SERPINB8: variants seen among roughly 807,000 people sequenced by gnomAD.
SERPINB8 encodes the protein serpin B8.
Under a neutral mutation model 35.3 loss-of-function variants are expected in SERPINB8, and 25 were observed. The observed-to-expected ratio is 0.71, with a 90% confidence interval of 0.52 to 0.99. The LOEUF is 0.99. Among genes scored for constraint, SERPINB8 ranks in the 50% least tolerant of loss-of-function variants. The pLI is 0.00. For missense variants in SERPINB8, 484 were observed against 446.5 expected (o/e 1.08, Z -0.76); for synonymous variants, 186 against 160.8 (o/e 1.16, Z -1.19).
chr18:63,993,595 T>C (rs1323087973), downstream of SERPINB8, among the ~76,000 whole-genome samples: 3 of 152,220 alleles, frequency 2.0e-5, no homozygotes, highest in African/African-American at 4.8e-5. Flanking sequence ...TCAGGTCTTC[T>C]ATATAATTAC....
downstream of SERPINB8, among the ~76,000 whole-genome samples, chr18:64,006,366 G>A (rs1229050469): frequency 6.6e-6 from 1 of 152,172 alleles, no homozygotes; most frequent in Non-Finnish European, 1.5e-5. Context: ...TTCAGAGATG[G>A]GGCCTTTGGG....
Position 63,988,909 on chromosome 18 carries a change from C to T in SERPINB8, c.*1631C>T, listed in dbSNP as rs1343972516. The T allele has an allele frequency of 6.6e-6, 1 of 152,174 alleles. No individual in the cohort carries two copies. Among genetic ancestry groups the T allele is most frequent in the Non-Finnish European group, 1.5e-5 (1 of 68,036 alleles). The allele number at this position is 152,174 out of a possible 1,614,324, so 9.4% of individuals were successfully genotyped here. A position where few individuals can be genotyped will look rare whatever the true frequency, so the allele number is the denominator to read the frequency against. On this transcript the variant is annotated 3_prime_UTR_variant, in exon 7 of 7. Transcript: ENST00000397985. ...CACAGAATACATTTCACATATTTAA[C>T]CTCTACAATAAGTTCTGACACATTT...
chr18:64,003,596 C>CCT (rs2050886508), intron 1 of SERPINB8, among the ~76,000 whole-genome samples: 1 of 150,920 alleles, frequency 6.6e-6, no homozygotes, highest in Non-Finnish European at 1.5e-5. Context: ...ATTACGGAAA[C>CCT]TGAGAAGTGC....
intron 5 of SERPINB8, 63 bp downstream of exon 5, chr18:63,983,784 C>G: frequency 8.8e-7 from 1 of 1,133,806 alleles, no homozygotes; most frequent in African/African-American, 1.5e-5. Context: ...GAAATATTCT[C>G]TTGGAAAAAT....
intron 7 of SERPINB8, among the ~76,000 whole-genome samples, chr18:64,013,431 A>G (rs1372846018): frequency 6.6e-6 from 1 of 152,102 alleles, no homozygotes; most frequent in Non-Finnish European, 1.5e-5. Context: ...TTTCTTTGGT[A>G]TGTTTCCTTT....
intron 1 of SERPINB8, among the ~76,000 whole-genome samples, chr18:63,999,971 A>AACAAC (rs2050866754): frequency 6.6e-6 from 1 of 152,108 alleles, no homozygotes; most frequent in Non-Finnish European, 1.5e-5. Context: ...TGAGGTCATT[A>AACAAC]ACAACACTAC....
chr18:63,997,531 T>C (rs1288950324), intron 1 of SERPINB8, among the ~76,000 whole-genome samples: 1 of 152,204 alleles, frequency 6.6e-6, no homozygotes, highest in Non-Finnish European at 1.5e-5. Flanking sequence ...ACGGTGTCTC[T>C]TGATTAACAT....
intron 7 of SERPINB8, among the ~76,000 whole-genome samples, chr18:64,018,381 A>G (rs563618849): frequency 6.6e-6 from 1 of 152,334 alleles, no homozygotes; most frequent in African/African-American, 2.4e-5. Context: ...AGTGTTTTCA[A>G]GAGCAAATCA....
intron 1 of SERPINB8, among the ~76,000 whole-genome samples, chr18:63,976,571 A>G (rs377243896): frequency 2.6e-5 from 4 of 152,318 alleles, no homozygotes; most frequent in Admixed American, 2.6e-4. Context: ...TACATCTCAA[A>G]GGGGCTGATA....
intron 4 of SERPINB8, among the ~76,000 whole-genome samples, chr18:63,982,456 T>A (rs1241214486): frequency 2.6e-5 from 4 of 152,148 alleles, no homozygotes; most frequent in African/African-American, 9.7e-5. Context: ...TAAAGCATCC[T>A]AAATACCTAA....
At position 64,016,397 on chromosome 18, in the gene SERPINB8, A is replaced by G. The variant is rs577414092; in HGVS notation, c.*3-2513A>G. On this transcript the variant is annotated intron_variant, in intron 7 of 7. Coordinates refer to the SERPINB8 transcript ENST00000636430. ...GACCTACCTATGATATAATTCTTCA[A>G]TGCAGGGTAGATTGCAGTAAGGTTT... 2.6e-4 allele frequency among the ~76,000 whole-genome samples: 40 copies of G among 152,292 alleles called. No individual in the cohort carries two copies. In the Middle Eastern group the frequency reaches 0.014, roughly 52 times the overall value.
chr18:63,990,342 C>G (rs1260575367), downstream of SERPINB8, among the ~76,000 whole-genome samples: 1 of 152,090 alleles, frequency 6.6e-6, no homozygotes, highest in African/African-American at 2.4e-5. Flanking sequence ...TCCCAAAATT[C>G]TGGGATTACA....
intron 7 of SERPINB8, among the ~76,000 whole-genome samples, chr18:64,017,923 A>G (rs2050958123): frequency 6.6e-6 from 1 of 152,236 alleles, no homozygotes; most frequent in Admixed American, 6.5e-5. Context: ...TAGTTATAAT[A>G]ATAATTTTAA....
rs774390152 is a variant in SERPINB8 at position 63,983,619 on chromosome 18, C to T, written c.465C>T (p.Pro155=). ...SEVLDAGTVD[P]LTKLVLVNAI... is the part of the protein sequence containing the mutation. Reference sequence around the variant, plus strand: ...TACTGGATGCTGGGACAGTCGATCCCCTGACAAAGCTGGTCCTTGTGAATG... The same window carrying T: ...TACTGGATGCTGGGACAGTCGATCCTCTGACAAAGCTGGTCCTTGTGAATG... Residue 155 remains proline (P), a synonymous_variant, in exon 5 of 7, where the codon CCC becomes CCT. Coordinates refer to ENST00000397985, the MANE Select transcript of SERPINB8 (RefSeq NM_002640.4). 4.3e-6 allele frequency: 7 copies of T among 1,613,692 alleles called. No homozygotes were observed. The highest frequency in any genetic ancestry group is 4.0e-5 in the African/African-American group (3 of 74,866).
At chr18:63,971,295 A>C (rs2050475728) in intron 1 of SERPINB8, among the ~76,000 whole-genome samples, 1 of 152,106 alleles carries the variant, frequency 6.6e-6, no homozygotes. Context: ...ATCCATTCTC[A>C]TGGAACCTCT....
At chr18:64,012,945 C>G (rs1216475586) in intron 7 of SERPINB8, among the ~76,000 whole-genome samples, 2 of 152,176 alleles carry the variant, frequency 1.3e-5, no homozygotes, top group African/African-American at 4.8e-5. Context: ...CCCCTTCTAG[C>G]TACTTCCACT....
chr18:63,981,156 C>T (rs1262562306), intron 3 of SERPINB8, among the ~76,000 whole-genome samples: 5 of 152,236 alleles, frequency 3.3e-5, no homozygotes, highest in Non-Finnish European at 5.9e-5. Context: ...CAGTTGCACA[C>T]ACACCCTATG....
Position 63,970,130 on chromosome 18 carries a change from A to AGCAGCG in SERPINB8, c.-49_-48insAGCGGC. On this transcript the variant is annotated 5_prime_UTR_variant, in exon 1 of 7. Coordinates refer to ENST00000397985, the MANE Select transcript of SERPINB8 (RefSeq NM_002640.4). ...ACAAAGGAGGAATAGTCAAAGCAGC[A>AGCAGCG]GCGGCGGCGGCGGCGGCGGCAGCAG... The AGCAGCG allele has an allele frequency of 1.3e-4, 45 of 343,784 alleles. No homozygotes were observed. Among genetic ancestry groups the AGCAGCG allele is most frequent in the Middle Eastern group, 5.6e-4 (1 of 1,778 alleles). 21.3% of individuals were successfully genotyped at this position (343,784 alleles called of 1,614,324 possible). A position where few individuals can be genotyped will look rare whatever the true frequency, so the allele number is the denominator to read the frequency against.
intron 1 of SERPINB8, among the ~76,000 whole-genome samples, chr18:63,977,548 G>A (rs1458671195): frequency 2.6e-5 from 4 of 152,076 alleles, no homozygotes; most frequent in African/African-American, 7.2e-5. Flanking sequence ...GGCTGGTCTC[G>A]AACTGCTGAC....
Sources: gnomAD v4.1 joint callset for allele counts (sites outside exome capture counted in the v4.1 genomes callset) on GRCh38, gnomAD v4.1.1 for gene constraint, MANE v1.5 for transcripts, NCBI Gene and HGNC (gene_info 2026-07-23, HGNC 2026-07-21) for gene names.